Variants in PPARGC1A observed in about 807,000 individuals in gnomAD.
PPARGC1A encodes PPARG coactivator 1 alpha.
In PPARGC1A, 25 loss-of-function variants were observed where a neutral mutation model predicts 88.7. The ratio of observed to expected loss-of-function variants is 0.28; its 90% CI spans 0.21 to 0.39. The LOEUF is 0.39. PPARGC1A is among the 10% of genes least tolerant of loss of function. PPARGC1A has a pLI of 1.00. For synonymous variants in PPARGC1A, 363 were observed against 355.6 expected, an observed-to-expected ratio of 1.02 and a Z score of -0.24; for missense variants, 880 against 968.7, an observed-to-expected ratio of 0.91 and a Z score of 1.22.
At chr4:23,859,428 A>T (rs1730803065) in intron 2 of PPARGC1A, among the ~76,000 whole-genome samples, 1 of 152,212 alleles carries the variant, frequency 6.6e-6, no homozygotes, top group Non-Finnish European at 1.5e-5. Context: ...GAGAAGATGT[A>T]TTCAAAGAAG....
the PPARGC1A span, among the ~76,000 whole-genome samples, chr4:24,159,961 T>C: frequency 6.6e-6 from 1 of 152,222 alleles, no homozygotes; most frequent in South Asian, 2.1e-4. Flanking sequence ...AAATTAACTC[T>C]CTGCCTAAGT....
At chr4:24,285,049 G>A in the PPARGC1A span, among the ~76,000 whole-genome samples, 1 of 150,106 alleles carries the variant, frequency 6.7e-6, no homozygotes, top group East Asian at 1.9e-4. Context: ...AAAGAAAGAA[G>A]AAGTTAAAAA....
Position 23,889,887 on chromosome 4 carries a change from G to A in PPARGC1A, c.54+17C>T. ...GCGTCAGTTGTGGCTGCAGCGCCGAGCCCTGCCCCAGCTCACCTCGATGTC... is the reference window on the plus strand; with the variant it reads ...GCGTCAGTTGTGGCTGCAGCGCCGAACCCTGCCCCAGCTCACCTCGATGTC... On this transcript the variant is annotated intron_variant, in intron 1 of 12. Transcript: ENST00000264867. 2.5e-5 allele frequency: 40 copies of A among 1,612,542 alleles called. No homozygotes were observed. The highest frequency in any genetic ancestry group is 3.4e-5 in the Non-Finnish European group (40 of 1,179,160).
chr4:24,043,093 G>A, the PPARGC1A span, among the ~76,000 whole-genome samples: 4 of 152,060 alleles, frequency 2.6e-5, no homozygotes, highest in Non-Finnish European at 4.4e-5. Context: ...AAACTGGGGT[G>A]CCTTTCCTTC....
At chr4:24,331,180 C>T in the PPARGC1A span, among the ~76,000 whole-genome samples, 1 of 152,212 alleles carries the variant, frequency 6.6e-6, no homozygotes, top group Non-Finnish European at 1.5e-5. Context: ...CTTTGCCCAG[C>T]ACAATGCTGT....
At chr4:24,247,418 G>A in the PPARGC1A span, among the ~76,000 whole-genome samples, 6 of 152,054 alleles carry the variant, frequency 3.9e-5, no homozygotes, top group African/African-American at 7.2e-5. Context: ...CTTCCGGTTC[G>A]TAAATGTTTT....
At chr4:23,827,873 G>A (rs183296931) in intron 5 of PPARGC1A, among the ~76,000 whole-genome samples, 1 of 152,128 alleles carries the variant, frequency 6.6e-6, no homozygotes, top group East Asian at 1.9e-4. Flanking sequence ...AGCAGGAGGT[G>A]AAGGAGGAGA....
At chr4:24,364,564 C>A in the PPARGC1A span, among the ~76,000 whole-genome samples, 3 of 152,088 alleles carry the variant, frequency 2.0e-5, no homozygotes, top group Middle Eastern at 6.8e-3. Context: ...AATAGCCAAG[C>A]CTTTTTTCTA....
At chr4:24,461,901 C>A in the PPARGC1A span, among the ~76,000 whole-genome samples, 3 of 152,122 alleles carry the variant, frequency 2.0e-5, no homozygotes, top group African/African-American at 7.2e-5. Flanking sequence ...TTTTTCCAGC[C>A]AAAAGTAAAC....
chr4:24,191,334 G>C, the PPARGC1A span, among the ~76,000 whole-genome samples: 1 of 152,214 alleles, frequency 6.6e-6, no homozygotes, highest in Non-Finnish European at 1.5e-5. Flanking sequence ...GCATTAACTA[G>C]AGTCCTGCTG....
chr4:24,472,051 G>C, the PPARGC1A span, among the ~76,000 whole-genome samples: 8 of 152,296 alleles, frequency 5.3e-5, no homozygotes, highest in East Asian at 9.7e-4. The surrounding 1 kb of genome is among the most constrained non-coding windows in gnomAD (Gnocchi z 4.5). Context: ...CGAGTTCCCT[G>C]GTTCTGCCTG....
the PPARGC1A span, among the ~76,000 whole-genome samples, chr4:24,368,748 G>T: frequency 6.6e-6 from 1 of 152,104 alleles, no homozygotes; most frequent in South Asian, 2.1e-4. Flanking sequence ...TACACTAAAG[G>T]GAGGTAGTTG....
the PPARGC1A span, among the ~76,000 whole-genome samples, chr4:23,966,317 A>T: frequency 6.6e-6 from 1 of 152,192 alleles, no homozygotes. Context: ...AATGCTGCCC[A>T]GTATGGTAGC....
intron 3 of PPARGC1A, among the ~76,000 whole-genome samples, chr4:23,830,545 C>G (rs1024078228): frequency 6.6e-6 from 1 of 152,204 alleles, no homozygotes; most frequent in Non-Finnish European, 1.5e-5. Flanking sequence ...ATGAGATATT[C>G]TCCATATGAG....
chr4:24,017,173 A>C, the PPARGC1A span, among the ~76,000 whole-genome samples: 3 of 152,178 alleles, frequency 2.0e-5, no homozygotes, highest in African/African-American at 7.2e-5. Context: ...CTGATCTTTT[A>C]AAAGACAGTC....
the PPARGC1A span, among the ~76,000 whole-genome samples, chr4:24,014,675 G>A: frequency 6.6e-6 from 1 of 152,036 alleles, no homozygotes; most frequent in Non-Finnish European, 1.5e-5. Context: ...TTCTTCATAG[G>A]CAGCTCACAA....
chr4:24,071,346 C>A, the PPARGC1A span, among the ~76,000 whole-genome samples: 1 of 152,132 alleles, frequency 6.6e-6, no homozygotes, highest in Non-Finnish European at 1.5e-5. Context: ...CATCTAATGA[C>A]AAACTAAAGA....
chr4:23,800,404 CATT>C (rs1160435699), intron 12 of PPARGC1A, among the ~76,000 whole-genome samples: 1 of 151,854 alleles, frequency 6.6e-6, no homozygotes, highest in East Asian at 1.9e-4. Flanking sequence ...TCCATTTTAG[CATT>C]ATTTATAATA....
At chr4:24,123,133 G>A in the PPARGC1A span, among the ~76,000 whole-genome samples, 1 of 152,160 alleles carries the variant, frequency 6.6e-6, no homozygotes, top group Admixed American at 6.5e-5. Context: ...TCCAGAGTGA[G>A]CCAATGAAAC....
Sources: gnomAD v4.1 joint callset for allele counts (sites outside exome capture counted in the v4.1 genomes callset) on GRCh38, gnomAD v4.1.1 for gene constraint, Gnocchi (gnomAD v3.1) non-coding constraint, MANE v1.5 for transcripts, NCBI Gene and HGNC (gene_info 2026-07-23, HGNC 2026-07-21) for gene names.